Variants in USP30 observed in about 807,000 individuals in gnomAD.
The protein encoded by USP30 is ubiquitin specific peptidase 30.
A neutral mutation model predicts 68.2 loss-of-function variants in USP30; 41 were observed. That is an observed-to-expected ratio of 0.60 (90% confidence interval 0.47 to 0.78). USP30 has a LOEUF of 0.78. USP30 is among the 30% of genes least tolerant of loss of function. The pLI, the probability that USP30 is intolerant of heterozygous loss-of-function variation, is 0.00. For synonymous variants in USP30, 229 were observed against 253.7 expected, an observed-to-expected ratio of 0.90 and a Z score of 0.93; for missense variants, 522 against 649.4, an observed-to-expected ratio of 0.80 and a Z score of 2.13.
At chr12:109,024,122 A>G (rs943908587) in intron 1 of USP30, among the ~76,000 whole-genome samples, 1 of 152,156 alleles carries the variant, frequency 6.6e-6, no homozygotes, top group Non-Finnish European at 1.5e-5. Flanking sequence ...GCATTTCCTC[A>G]TCAGAAATAC....
chr12:109,073,613 C>T lies in USP30; in HGVS notation c.720+81C>T. On this transcript the variant is annotated intron_variant, in intron 7 of 12. Coordinates refer to ENST00000257548, the MANE Select transcript of USP30 (RefSeq NM_032663.5). ...TTCTTGAAAGGACCTAGAGAGTGGGCTGACATCGGTCACTGGTGTTAGAGA... is the reference window on the plus strand; with the variant it reads ...TTCTTGAAAGGACCTAGAGAGTGGGTTGACATCGGTCACTGGTGTTAGAGA... 6 of 1,238,942 alleles carry T rather than the reference C, an allele frequency of 4.8e-6. No homozygotes were observed. The Middle Eastern group carries it at 7.4e-4, about 154-fold the overall frequency. 76.7% of individuals were successfully genotyped at this position (1,238,942 alleles called of 1,614,324 possible). A position where few individuals can be genotyped will look rare whatever the true frequency, so the allele number is the denominator to read the frequency against.
At chr12:109,035,150 T>A (rs2040509528) in intron 3 of USP30, among the ~76,000 whole-genome samples, 2 of 152,250 alleles carry the variant, frequency 1.3e-5, no homozygotes, top group East Asian at 3.9e-4. Context: ...TAATGTAGGA[T>A]TTACATTTTA....
intron 11 of USP30, among the ~76,000 whole-genome samples, 165 bp downstream of exon 11, chr12:109,083,227 T>G (rs1243119450): frequency 6.6e-6 from 1 of 152,226 alleles, no homozygotes; most frequent in Non-Finnish European, 1.5e-5. Context: ...GAAGATTTCT[T>G]AGAAGAGGTT....
chr12:109,084,718 G>A (rs1366366452), intron 11 of USP30, among the ~76,000 whole-genome samples: 2 of 152,352 alleles, frequency 1.3e-5, no homozygotes, highest in East Asian at 3.9e-4. Context: ...AAGATCCCAG[G>A]CTAGCCGTAA....
intron 3 of USP30, among the ~76,000 whole-genome samples, chr12:109,067,278 TA>T (rs1167729033): frequency 9.6e-6 from 1 of 103,866 alleles, no homozygotes; most frequent in Non-Finnish European, 2.3e-5. Context: ...CACGCCCGGC[TA>T]ATTTTTTTTT....
At chr12:109,042,352 G>A (rs1305821054) in intron 3 of USP30, among the ~76,000 whole-genome samples, 1 of 152,128 alleles carries the variant, frequency 6.6e-6, no homozygotes, top group Non-Finnish European at 1.5e-5. Context: ...CAGTCATACG[G>A]TTCTTTTCCC....
In USP30 at chr12:109,039,645, C is replaced by T. The variant is rs181916032; in HGVS notation, c.-135-7945C>T. Among the ~76,000 whole-genome samples the T allele has an allele frequency of 1.5e-4, 23 of 151,986 alleles. 1 individual carries two copies. The East Asian group carries it at 4.3e-3, about 28-fold the overall frequency. On this transcript the variant is annotated intron_variant, in intron 3 of 15. Coordinates refer to the USP30 transcript ENST00000392784. The stretch of plus-strand genomic sequence containing the variant: ...TTTTTTTTTTGAGATGGAATCTCAC[C>T]CTGTCACCAGGCTGTAGTTCAGTGG...
chr12:109,066,247 C>CAA lies in USP30; in HGVS notation c.377-1259_377-1258dup, dbSNP rs35466141. Among the ~76,000 whole-genome samples, 653 of 95,606 alleles carry CAA rather than the reference C, an allele frequency of 6.8e-3. 23 individuals carry two copies. The East Asian group carries it at 0.072, about 11-fold the overall frequency. 62.7% of individuals were successfully genotyped at this position (95,606 alleles called of 152,430 possible). Reference sequence around the variant, plus strand: ...AGCCTGACAGAATGAGACCCTGTCTCAAAAAAAAAAAAAAAAAAAGCAAGC... The same window carrying CAA: ...AGCCTGACAGAATGAGACCCTGTCTCAAAAAAAAAAAAAAAAAAAAAGCAAGC... On this transcript the variant is annotated intron_variant, in intron 3 of 12. Transcript: ENST00000257548.
intron 2 of USP30, among the ~76,000 whole-genome samples, chr12:109,057,453 T>C (rs2040913081): frequency 6.6e-6 from 1 of 152,202 alleles, no homozygotes; most frequent in African/African-American, 2.4e-5. Flanking sequence ...GAAAGACTGA[T>C]CAGAATTGGT....
At chr12:109,033,968 A>G (rs777193221) in intron 3 of USP30, among the ~76,000 whole-genome samples, 3 of 152,206 alleles carry the variant, frequency 2.0e-5, no homozygotes, top group Admixed American at 6.5e-5. Context: ...ACAAACTCCA[A>G]AAGTCTCCTA....
chr12:109,055,759 G>A (rs2040852629), intron 1 of USP30, among the ~76,000 whole-genome samples: 1 of 149,154 alleles, frequency 6.7e-6, no homozygotes. Flanking sequence ...GAGCTCATTA[G>A]TGGGTAAAAC....
intron 3 of USP30, among the ~76,000 whole-genome samples, chr12:109,063,160 T>C (rs1464224897): frequency 6.6e-6 from 1 of 152,154 alleles, no homozygotes; most frequent in Non-Finnish European, 1.5e-5. Context: ...AGCGCAGTGG[T>C]GCGATCTTAG....
At chr12:109,054,892 G>A (rs1461111368) in intron 1 of USP30, 1 of 152,166 alleles carries the variant, frequency 6.6e-6, no homozygotes, top group African/African-American at 2.4e-5. Context: ...ATGATACTAA[G>A]AAATGCTGAT....
chr12:109,084,628 T>C (rs572865698), intron 11 of USP30, among the ~76,000 whole-genome samples: 36 of 152,334 alleles, frequency 2.4e-4, no homozygotes, highest in African/African-American at 8.4e-4. Flanking sequence ...TTGAGAAACC[T>C]TGGTTTAGGT....
intron 1 of USP30, among the ~76,000 whole-genome samples, chr12:109,055,843 AC>A (rs879512044): frequency 1.1e-3 from 170 of 151,976 alleles, no homozygotes; most frequent in Non-Finnish European, 2.1e-3. Context: ...AAGAAAAAAA[AC>A]ATAGCGAATA....
chr12:109,082,994 A>G lies in USP30; in HGVS notation c.1100A>G (p.Asn367Ser). ...HLLGHKPSQH[N>S]PKLNKNPGPT... The stretch of plus-strand genomic sequence containing the variant: ...CTTGGACATAAACCTAGTCAACACA[A>G]CCCTAAACTGAACAAGAACCCAGGG... The change falls in exon 11 of 13, where the codon AAC becomes AGC. Residue 367 changes from asparagine to serine, a missense_variant. Coordinates refer to ENST00000257548, the MANE Select transcript of USP30 (RefSeq NM_032663.5). The G allele has an allele frequency of 6.2e-7, 1 of 1,614,114 alleles. No individual in the cohort carries two copies. Among genetic ancestry groups the G allele is most frequent in the Non-Finnish European group, 8.5e-7 (1 of 1,179,982 alleles).
intron 2 of USP30, among the ~76,000 whole-genome samples, 174 bp downstream of exon 2, chr12:109,056,965 A>G (rs1474307673): frequency 3.9e-5 from 6 of 152,230 alleles, no homozygotes; most frequent in South Asian, 2.1e-4. Flanking sequence ...TATACCATGT[A>G]GTAAAAAGAT....
At chr12:109,053,385 A>G (rs1593235106) in intron 1 of USP30, among the ~76,000 whole-genome samples, 2 of 152,194 alleles carry the variant, frequency 1.3e-5, no homozygotes, top group East Asian at 3.9e-4. Context: ...TAACCTGTTA[A>G]GGTTGCTTGG....
chr12:109,055,015 T>C (rs2040798707), intron 1 of USP30, among the ~76,000 whole-genome samples: 1 of 151,190 alleles, frequency 6.6e-6, no homozygotes, highest in Non-Finnish European at 1.5e-5. Context: ...AATAATGTAT[T>C]ACACACACAC....
Sources: gnomAD v4.1 joint callset for allele counts (sites outside exome capture counted in the v4.1 genomes callset) on GRCh38, gnomAD v4.1.1 for gene constraint, MANE v1.5 for transcripts, NCBI Gene and HGNC (gene_info 2026-07-23, HGNC 2026-07-21) for gene names.